The following BNC2 variants were observed in gnomAD, a reference collection of about 807,000 sequenced individuals.
BNC2 encodes the protein zinc finger protein basonuclin-2.
A neutral mutation model predicts 76.3 loss-of-function variants in BNC2; 20 were observed. The ratio of observed to expected loss-of-function variants is 0.26; its 90% CI spans 0.18 to 0.38. The LOEUF is 0.38. Among genes scored for constraint, BNC2 ranks in the 10% least tolerant of loss-of-function variants. BNC2 has a pLI of 1.00. For synonymous variants in BNC2, 582 were observed against 514.8 expected (o/e 1.13, Z -1.77); for missense variants, 1,382 against 1,399.8 (o/e 0.99, Z 0.20).
chr9:16,676,589 C>A (rs545425110), intron 3 of BNC2, among the ~76,000 whole-genome samples: 1 of 152,294 alleles, frequency 6.6e-6, no homozygotes, highest in South Asian at 2.1e-4. Flanking sequence ...AGAGAGAATG[C>A]AGAAATGTAG....
Position 16,463,357 on chromosome 9 carries a change from C to T in BNC2, c.670-25833G>A, listed in dbSNP as rs557123341. The stretch of plus-strand genomic sequence containing the variant: ...TGTCGCCCAGGCTGGAGTGCAGTGG[C>T]GGGATCTCGGCTCACTGCAAGCTCC... On this transcript the variant is annotated intron_variant, in intron 5 of 6. Transcript: ENST00000380672. Among the ~76,000 whole-genome samples, 508 of 118,304 alleles carry T rather than the reference C, an allele frequency of 4.3e-3. 4 individuals are homozygous for T. Among genetic ancestry groups the T allele is most frequent in the Admixed American group, 8.4e-3 (81 of 9,598 alleles). 77.6% of individuals were successfully genotyped at this position (118,304 alleles called of 152,430 possible).
chr9:16,477,735 T>A (rs761000332), intron 5 of BNC2, among the ~76,000 whole-genome samples: 3 of 152,212 alleles, frequency 2.0e-5, no homozygotes, highest in Non-Finnish European at 4.4e-5. Flanking sequence ...AAATTTGATA[T>A]CTCTATTTCT....
At chr9:16,860,210 T>C (rs934512802) in intron 1 of BNC2, among the ~76,000 whole-genome samples, 1 of 152,010 alleles carries the variant, frequency 6.6e-6, no homozygotes, top group Non-Finnish European at 1.5e-5. Context: ...TCTAAGGAAC[T>C]AAGAATGGCT....
chr9:16,419,668 A>AGG lies in BNC2; in HGVS notation c.2640-21_2640-20dup, dbSNP rs144257997. On this transcript the variant is annotated intron_variant, in intron 6 of 6. Transcript: ENST00000380672. ...ACTGTGTCTAGGAAAACAAGAGGGA[A>AGG]GGGGGGGTACGTGGATGGGGGGTGG... 36 of 578,690 alleles carry AGG rather than the reference A, an allele frequency of 6.2e-5. No individual in the cohort carries two copies. Among genetic ancestry groups the AGG allele is most frequent in the Non-Finnish European group, 8.8e-5 (29 of 330,930 alleles). The allele number at this position is 578,690 out of a possible 1,614,324, so 35.8% of individuals were successfully genotyped here.
intron 6 of BNC2, among the ~76,000 whole-genome samples, chr9:16,425,744 G>C (rs1820792590): frequency 1.3e-5 from 2 of 152,162 alleles, no homozygotes; most frequent in Non-Finnish European, 2.9e-5. Context: ...TGTTGGCAGA[G>C]GCAAACATGT....
intron 2 of BNC2, among the ~76,000 whole-genome samples, chr9:16,731,806 A>G (rs955944018): frequency 6.6e-6 from 1 of 152,186 alleles, no homozygotes; most frequent in East Asian, 1.9e-4. Context: ...TAATCTGTAA[A>G]AAAGTCAGAC....
Position 16,613,758 on chromosome 9 carries a change from A to C in BNC2, c.331-30673T>G, listed in dbSNP as rs538923470. Among the ~76,000 whole-genome samples the C allele has an allele frequency of 5.7e-4, 87 of 152,334 alleles. 1 individual carries two copies. Among genetic ancestry groups the C allele is most frequent in the African/African-American group, 2.0e-3 (83 of 41,584 alleles). On this transcript the variant is annotated intron_variant, in intron 3 of 6. Transcript: ENST00000380672. ...AGAAATCCTGGGTAACCAGGACAGC[A>C]GACTATGACAATTCCCTGGGATTTC...
intron 1 of BNC2, among the ~76,000 whole-genome samples, chr9:16,746,323 C>T (rs1825001864): frequency 3.3e-5 from 5 of 152,180 alleles, no homozygotes; most frequent in Admixed American, 2.6e-4. Context: ...CAGAGCCCCC[C>T]ACATTTAACC....
intron 3 of BNC2, among the ~76,000 whole-genome samples, chr9:16,667,480 T>A (rs1363494312): frequency 6.6e-6 from 1 of 152,176 alleles, no homozygotes. Context: ...TAGTGCCAAA[T>A]GTAGTAATTT....
chr9:16,552,475 C>A, intron 5 of BNC2, 55 bp downstream of exon 5: 2 of 1,505,402 alleles, frequency 1.3e-6, no homozygotes, highest in African/African-American at 2.8e-5. Flanking sequence ...GACTCTCACC[C>A]TTCCCCACCC....
intron 3 of BNC2, among the ~76,000 whole-genome samples, chr9:16,637,216 T>C (rs1821354891): frequency 6.6e-6 from 1 of 152,144 alleles, no homozygotes; most frequent in Non-Finnish European, 1.5e-5. Context: ...TATGAGCTCT[T>C]ACAGGAAATC....
intron 3 of BNC2, among the ~76,000 whole-genome samples, chr9:16,588,014 T>A (rs1049106896): frequency 4.6e-5 from 7 of 152,196 alleles, no homozygotes; most frequent in African/African-American, 1.7e-4. Flanking sequence ...GAGGGCAGGA[T>A]AGACATGTCT....
intron 4 of BNC2, among the ~76,000 whole-genome samples, chr9:16,560,512 G>C (rs1818977627): frequency 6.6e-6 from 1 of 151,578 alleles, no homozygotes; most frequent in Non-Finnish European, 1.5e-5. Flanking sequence ...AGGAATTGGA[G>C]ATCTGCCTGG....
intron 1 of BNC2, among the ~76,000 whole-genome samples, chr9:16,844,705 G>C (rs189863301): frequency 6.6e-6 from 1 of 152,008 alleles, no homozygotes; most frequent in African/African-American, 2.4e-5. Flanking sequence ...CACCATGTTG[G>C]CCAGGCTGGT....
At chr9:16,760,863 G>A (rs1825533454) in intron 1 of BNC2, among the ~76,000 whole-genome samples, 1 of 152,058 alleles carries the variant, frequency 6.6e-6, no homozygotes, top group East Asian at 1.9e-4. Flanking sequence ...AATAATGAGT[G>A]CTGCAGCATT....
chr9:16,641,405 A>T (rs1321983231), intron 3 of BNC2, among the ~76,000 whole-genome samples: 1 of 152,162 alleles, frequency 6.6e-6, no homozygotes, highest in African/African-American at 2.4e-5. Flanking sequence ...AAACACAAAA[A>T]TCTACACCAA....
chr9:16,539,346 C>T (rs901760844), intron 5 of BNC2, among the ~76,000 whole-genome samples: 3 of 151,600 alleles, frequency 2.0e-5, no homozygotes, highest in Non-Finnish European at 4.4e-5. Context: ...ACGATAAAAT[C>T]CCATTTCTAC....
chr9:16,620,325 C>T (rs1820830271), intron 3 of BNC2, among the ~76,000 whole-genome samples: 1 of 152,070 alleles, frequency 6.6e-6, no homozygotes. Flanking sequence ...AGCTAAATAC[C>T]ACTGTATTAA....
intron 1 of BNC2, among the ~76,000 whole-genome samples, chr9:16,811,525 C>G (rs2135853102): frequency 8.2e-6 from 1 of 121,430 alleles, no homozygotes; most frequent in South Asian, 2.5e-4. Context: ...GCACTCCAGC[C>G]TGGGCAACAA....
Sources: allele counts gnomAD v4.1 joint callset (sites outside exome capture counted in the v4.1 genomes callset), GRCh38; gene constraint gnomAD v4.1.1; transcripts MANE v1.5; gene names NCBI Gene and HGNC (gene_info 2026-07-23, HGNC 2026-07-21).